Variants in TNKS observed in about 807,000 individuals in gnomAD.
TNKS encodes the protein poly [ADP-ribose] polymerase tankyrase-1.
Under a neutral mutation model 135.8 loss-of-function variants are expected in TNKS, and 72 were observed. The observed-to-expected ratio is 0.53, with a 90% confidence interval of 0.44 to 0.64. The LOEUF (loss-of-function observed/expected upper bound fraction) is 0.64. TNKS is among the 30% of genes least tolerant of loss of function. TNKS has a pLI of 0.00. For missense variants in TNKS, 1,769 were observed against 1,674.0 expected (o/e 1.06, Z -0.99); for synonymous variants, 849 against 649.3 (o/e 1.31, Z -4.68).
Position 9,556,199 on chromosome 8 carries a change from C to G in TNKS, c.260C>G (p.Thr87Ser). ...CGATCCCCGGACCCGGTTGACGGTA[C>G]CAGCTGTTGCAGTACCACCAGCACA... ...RPRSPDPVDG[T>S]SCCSTTSTIC... Residue 87 changes from threonine (T) to serine (S), a missense_variant, in exon 1 of 27, where the codon ACC (threonine) becomes AGC (serine). Coordinates refer to ENST00000310430, the MANE Select transcript of TNKS (RefSeq NM_003747.3). The G allele has an allele frequency of 6.2e-7, 1 of 1,614,080 alleles. No individual in the cohort carries two copies.
At position 9,612,384 on chromosome 8, in the gene TNKS, T is replaced by TATAG. The variant is rs1250463926; in HGVS notation, c.899-3197_899-3194dup. Among the ~76,000 whole-genome samples, 3 of 152,324 alleles carry TATAG rather than the reference T, an allele frequency of 2.0e-5. No individual in the cohort carries two copies. In the East Asian group the frequency reaches 5.8e-4, roughly 29 times the overall value. ...ATCGAATTTTATATAATATGCTTTG[T>TATAG]ATAGCATAGACCTGGGAATGGAACT... On this transcript the variant is annotated intron_variant, in intron 2 of 26. Transcript: ENST00000310430.
At chr8:9,594,225 C>G (rs940623532) in intron 2 of TNKS, among the ~76,000 whole-genome samples, 1 of 152,138 alleles carries the variant, frequency 6.6e-6, no homozygotes, top group Non-Finnish European at 1.5e-5. Context: ...TGAAGGTTAA[C>G]AACTTTCTGG....
intron 11 of TNKS, among the ~76,000 whole-genome samples, chr8:9,719,928 A>G (rs1301406461): frequency 2.6e-5 from 4 of 152,228 alleles, no homozygotes; most frequent in Non-Finnish European, 1.5e-5. Flanking sequence ...AAATTAGAAA[A>G]GAAATATAAT....
At chr8:9,588,593 T>A (rs1484584694) in intron 2 of TNKS, among the ~76,000 whole-genome samples, 10 of 152,208 alleles carry the variant, frequency 6.6e-5, no homozygotes, top group Admixed American at 6.5e-4. Flanking sequence ...GTTTCTTTTA[T>A]CTAAAAAGGG....
At chr8:9,752,690 G>C in intron 20 of TNKS, 64 bp downstream of exon 20, 2 of 1,127,480 alleles carry the variant, frequency 1.8e-6, no homozygotes, top group Non-Finnish European at 2.6e-6. Flanking sequence ...TGGATGCAGT[G>C]GTTCACACCT....
At chr8:9,634,735 TAGCAGTGG>T (rs1800441335) in intron 3 of TNKS, among the ~76,000 whole-genome samples, 2 of 152,064 alleles carry the variant, frequency 1.3e-5, no homozygotes, top group Non-Finnish European at 2.9e-5. Flanking sequence ...GAGACCCCAA[TAGCAGTGG>T]AGCACACCTG....
intron 3 of TNKS, among the ~76,000 whole-genome samples, chr8:9,628,207 T>G (rs1800138886): frequency 6.6e-6 from 1 of 152,168 alleles, no homozygotes; most frequent in African/African-American, 2.4e-5. Context: ...CTTACACCAC[T>G]CTTTAGTCAC....
At chr8:9,622,934 T>G (rs570446492) in intron 3 of TNKS, among the ~76,000 whole-genome samples, 134 of 152,328 alleles carry the variant, frequency 8.8e-4, no homozygotes, top group Non-Finnish European at 1.3e-3. Context: ...TTTTCCTATA[T>G]GTACATACCT....
intron 3 of TNKS, among the ~76,000 whole-genome samples, chr8:9,632,456 A>T (rs1019749984): frequency 6.6e-6 from 1 of 152,176 alleles, no homozygotes; most frequent in Non-Finnish European, 1.5e-5. Flanking sequence ...TTAAGCATTA[A>T]TACAATACTA....
At chr8:9,626,260 T>G (rs1800049441) in intron 3 of TNKS, among the ~76,000 whole-genome samples, 1 of 152,208 alleles carries the variant, frequency 6.6e-6, no homozygotes, top group African/African-American at 2.4e-5. Flanking sequence ...ATTTTTCGAT[T>G]CTTTTACTTT....
chr8:9,570,166 G>T (rs1245447860), intron 1 of TNKS, among the ~76,000 whole-genome samples: 1 of 152,110 alleles, frequency 6.6e-6, no homozygotes, highest in Non-Finnish European at 1.5e-5. Flanking sequence ...TATAGGCCAG[G>T]TGTGATGGTT....
intron 3 of TNKS, among the ~76,000 whole-genome samples, chr8:9,629,906 T>G (rs1162262827): frequency 6.6e-6 from 1 of 152,130 alleles, no homozygotes; most frequent in Non-Finnish European, 1.5e-5. Context: ...ATGGTCTCGA[T>G]CTCCTGACCT....
intron 1 of TNKS, among the ~76,000 whole-genome samples, chr8:9,561,269 C>A (rs767622845): frequency 3.1e-4 from 47 of 152,134 alleles, no homozygotes; most frequent in Non-Finnish European, 5.4e-4. Flanking sequence ...CTTATGTGTA[C>A]ATTCACTGAG....
intron 5 of TNKS, among the ~76,000 whole-genome samples, chr8:9,692,643 C>G (rs920368164): frequency 1.3e-5 from 2 of 152,142 alleles, no homozygotes; most frequent in Admixed American, 6.5e-5. Context: ...ATTAGAGAAT[C>G]TAGTCATGTC....
In TNKS at chr8:9,726,644, G is replaced by C. The variant is rs750581349; in HGVS notation, c.1925G>C (p.Ser642Thr). 6 of 1,610,054 alleles carry C rather than the reference G, an allele frequency of 3.7e-6. No individual in the cohort carries two copies. In the South Asian group the frequency reaches 6.6e-5, roughly 18 times the overall value. Residue 642 changes from serine (S) to threonine (T), a missense_variant, in exon 13 of 27, where the codon AGT becomes ACT. This residue lies in a region of TNKS where 523 missense variants were observed against 541.0 expected (regional missense o/e 0.97). Transcript: ENST00000310430. Reference sequence around the variant, plus strand: ...TTCTTTCCTTCCTTTTATGCAGAGAGTACACCTATACGTACTTCTGATGTT... The same window carrying C: ...TTCTTTCCTTCCTTTTATGCAGAGACTACACCTATACGTACTTCTGATGTT... ...NEAVQQILSESTPIRTSDVDY... is the reference protein window; with the variant it reads ...NEAVQQILSETTPIRTSDVDY...
At chr8:9,635,273 C>G (rs563558150) in intron 3 of TNKS, among the ~76,000 whole-genome samples, 104 of 152,080 alleles carry the variant, frequency 6.8e-4, no homozygotes, top group Middle Eastern at 3.4e-3. Context: ...TGAACATATC[C>G]GGGATAGTTT....
At position 9,751,717 on chromosome 8, in the gene TNKS, T is replaced by C. The variant is rs757008221; in HGVS notation, c.2941T>C (p.Ser981Pro). ...GAGTGCCTCTCTGATCTCACCAGCATCCACCCCCTCCTGCCTCTCGGCTGC... is the reference window on the plus strand; with the variant it reads ...GAGTGCCTCTCTGATCTCACCAGCACCCACCCCCTCCTGCCTCTCGGCTGC... ...VVSASLISPA[S>P]TPSCLSAASS... Residue 981 changes from serine (S) to proline (P), a missense_variant, in exon 19 of 27, where the codon TCC becomes CCC. Around this residue, in one of 5 missense-constraint regions of TNKS, gnomAD observed 722 missense variants for 688.9 expected, o/e 1.05. Transcript: ENST00000310430. 1 of 1,614,086 alleles carries C rather than the reference T, an allele frequency of 6.2e-7. No individual in the cohort carries two copies. The highest frequency in any genetic ancestry group is 1.3e-5 in the African/African-American group (1 of 74,922).
intron 1 of TNKS, among the ~76,000 whole-genome samples, chr8:9,560,706 C>T (rs185028021): frequency 6.6e-6 from 1 of 151,702 alleles, no homozygotes; most frequent in Non-Finnish European, 1.5e-5. Flanking sequence ...AATGCCCTGT[C>T]TGAGGATGTA....
intron 20 of TNKS, 127 bp from the exon 21 acceptor site, chr8:9,761,389 T>G: frequency 2.0e-6 from 2 of 994,734 alleles, no homozygotes; most frequent in Non-Finnish European, 2.9e-6. Context: ...TAAGCTCATG[T>G]TTATAAAGGG....
Sources: allele counts gnomAD v4.1 joint callset (sites outside exome capture counted in the v4.1 genomes callset), GRCh38; gene constraint gnomAD v4.1.1; regional missense constraint gnomAD v4.1.1; transcripts MANE v1.5; gene names NCBI Gene and HGNC (gene_info 2026-07-23, HGNC 2026-07-21).